APBA1: variants seen among roughly 807,000 people sequenced by gnomAD.
APBA1 encodes the protein amyloid beta precursor protein binding family A member 1.
A neutral mutation model predicts 86.6 loss-of-function variants in APBA1; 55 were observed. That is an observed-to-expected ratio of 0.64 (90% CI 0.51 to 0.80). APBA1 has a LOEUF of 0.80. APBA1 is among the 30% of genes least tolerant of loss of function. The pLI is 0.00. For missense variants in APBA1, 1,090 were observed against 1,183.0 expected (o/e 0.92, Z 1.15); for synonymous variants, 511 against 493.9 (o/e 1.03, Z -0.46).
intron 1 of APBA1, among the ~76,000 whole-genome samples, chr9:69,529,821 C>T (rs1471063521): frequency 6.6e-6 from 1 of 152,078 alleles, no homozygotes; most frequent in African/African-American, 2.4e-5. Flanking sequence ...TATCCAGAAT[C>T]CACAAGGAAC....
chr9:69,670,715 T>C (rs541254119), intron 1 of APBA1, among the ~76,000 whole-genome samples: 9 of 152,272 alleles, frequency 5.9e-5, no homozygotes, highest in Middle Eastern at 3.4e-3. Flanking sequence ...TGCATTTCTG[T>C]GTCCTTGTTC....
intron 1 of APBA1, among the ~76,000 whole-genome samples, chr9:69,562,890 A>C (rs889392503): frequency 1.3e-5 from 2 of 152,248 alleles, no homozygotes; most frequent in Non-Finnish European, 2.9e-5. Context: ...TTGACAAAAC[A>C]GTATTGGTAG....
intron 1 of APBA1, among the ~76,000 whole-genome samples, chr9:69,659,714 T>C (rs1433604658): frequency 1.3e-5 from 2 of 152,362 alleles, no homozygotes; most frequent in Non-Finnish European, 2.9e-5. Context: ...TATAATGATA[T>C]GCACTTTTAA....
In APBA1 at chr9:69,630,310, G is replaced by A. The variant is rs927617114; in HGVS notation, c.-70+41843C>T. On this transcript the variant is annotated intron_variant, in intron 1 of 12. Coordinates refer to ENST00000265381, the MANE Select transcript of APBA1 (RefSeq NM_001163.4). ...CAGCAACATGGGCAGGGACCAGATC[G>A]CACAGAATTGAGTCAACAGGCCAAC... is the stretch of plus-strand genomic sequence containing the variant. 6.6e-5 allele frequency among the ~76,000 whole-genome samples: 10 copies of A among 152,178 alleles called. No individual in the cohort carries two copies. The South Asian group carries it at 1.2e-3, about 19-fold the overall frequency.
chr9:69,565,504 C>T (rs1035299997), intron 1 of APBA1, among the ~76,000 whole-genome samples: 20 of 152,162 alleles, frequency 1.3e-4, no homozygotes, highest in African/African-American at 4.8e-4. Context: ...ACTTCATACC[C>T]CAATAGGCAG....
chr9:69,476,639 T>G (rs1165662120), intron 2 of APBA1, among the ~76,000 whole-genome samples: 1 of 152,228 alleles, frequency 6.6e-6, no homozygotes, highest in Non-Finnish European at 1.5e-5. Context: ...ATTTTCCTAG[T>G]CAATTCAGAT....
At chr9:69,585,012 T>C (rs951867735) in intron 1 of APBA1, among the ~76,000 whole-genome samples, 3 of 152,200 alleles carry the variant, frequency 2.0e-5, no homozygotes, top group Non-Finnish European at 2.9e-5. Flanking sequence ...GACTTGCTTA[T>C]TCATTTATTC....
At chr9:69,483,264 A>G (rs2133848517) in intron 2 of APBA1, among the ~76,000 whole-genome samples, 1 of 152,012 alleles carries the variant, frequency 6.6e-6, no homozygotes, top group African/African-American at 2.4e-5. Flanking sequence ...CACAGAGAAA[A>G]ACTAAACAGA....
chr9:69,434,203 C>T (rs933099106), intron 11 of APBA1, among the ~76,000 whole-genome samples: 5 of 152,208 alleles, frequency 3.3e-5, no homozygotes, highest in African/African-American at 1.2e-4. Flanking sequence ...TCTGTGCAGC[C>T]AGGGTGGACA....
chr9:69,439,417 A>G (rs1250249268), intron 11 of APBA1, among the ~76,000 whole-genome samples: 2 of 152,020 alleles, frequency 1.3e-5, no homozygotes, highest in African/African-American at 4.8e-5. Context: ...AGGTACACCA[A>G]TCAGACGTAG....
chr9:69,491,532 A>C (rs1436493856), intron 2 of APBA1, among the ~76,000 whole-genome samples: 1 of 151,898 alleles, frequency 6.6e-6, no homozygotes, highest in Non-Finnish European at 1.5e-5. Context: ...GCAGCACACC[A>C]ACGTGGCGCA....
At chr9:69,517,366 T>A (rs985659182) in intron 1 of APBA1, 87 bp from the exon 2 acceptor site, 1 of 1,252,814 alleles carries the variant, frequency 8.0e-7, no homozygotes, top group African/African-American at 1.6e-5. Context: ...AAACAACTGC[T>A]ATTGATTCCT....
At chr9:69,636,499 T>G (rs1367972792) in intron 1 of APBA1, among the ~76,000 whole-genome samples, 6 of 152,122 alleles carry the variant, frequency 3.9e-5, no homozygotes, top group Non-Finnish European at 8.8e-5. Context: ...GCAACTTACA[T>G]GTCCATCAAC....
At chr9:69,475,252 C>T (rs1835424883) in intron 3 of APBA1, among the ~76,000 whole-genome samples, 1 of 152,194 alleles carries the variant, frequency 6.6e-6, no homozygotes, top group African/African-American at 2.4e-5. Context: ...AATTTGTTGT[C>T]CAAAAGGGAT....
intron 1 of APBA1, among the ~76,000 whole-genome samples, chr9:69,541,984 T>A (rs1836620928): frequency 6.6e-6 from 1 of 152,138 alleles, no homozygotes; most frequent in South Asian, 2.1e-4. Context: ...AATACCTTTT[T>A]TCTTTTAAAA....
chr9:69,596,908 G>T (rs78273842), intron 1 of APBA1, among the ~76,000 whole-genome samples: 1 of 152,320 alleles, frequency 6.6e-6, no homozygotes, highest in African/African-American at 2.4e-5. Context: ...CTTGAAAAGT[G>T]ACAGCTGAAA....
intron 12 of APBA1, 79 bp from the exon 13 acceptor site, chr9:69,431,477 G>A (rs969902491): frequency 4.2e-5 from 53 of 1,272,018 alleles, no homozygotes; most frequent in Non-Finnish European, 7.8e-6. Context: ...GCTGGCCAGA[G>A]AGGCAGTGCC....
chr9:69,626,418 C>T (rs1264405138), intron 1 of APBA1, among the ~76,000 whole-genome samples: 2 of 152,004 alleles, frequency 1.3e-5, no homozygotes, highest in African/African-American at 2.4e-5. Context: ...TAAAAGCCAA[C>T]GGGGGAATCC....
chr9:69,609,864 T>C (rs1388896160), intron 1 of APBA1, among the ~76,000 whole-genome samples: 1 of 152,098 alleles, frequency 6.6e-6, no homozygotes, highest in African/African-American at 2.4e-5. Flanking sequence ...AGCGGCACAG[T>C]CATAACTCAC....
Sources: gnomAD v4.1 joint callset for allele counts (sites outside exome capture counted in the v4.1 genomes callset) on GRCh38, gnomAD v4.1.1 for gene constraint, MANE v1.5 for transcripts, NCBI Gene and HGNC (gene_info 2026-07-23, HGNC 2026-07-21) for gene names.